The following WDR45B variants were observed in gnomAD, a reference collection of about 807,000 sequenced individuals.
The protein encoded by WDR45B is WD repeat domain 45B.
In WDR45B, 20 loss-of-function variants were observed where a neutral mutation model predicts 44.6. That is an observed-to-expected ratio of 0.45 (90% confidence interval 0.32 to 0.65). The LOEUF (loss-of-function observed/expected upper bound fraction) is 0.65, where lower values mean the gene tolerates loss of function less well. Ranked by LOEUF, WDR45B falls within the 30% of genes least tolerant of loss-of-function variation. WDR45B has a pLI of 0.05. For synonymous variants in WDR45B, 169 were observed against 164.9 expected (o/e 1.02, Z -0.19); for missense variants, 323 against 430.2 (o/e 0.75, Z 2.20).
chr17:82,641,384 G>A (rs566112250), intron 2 of WDR45B, among the ~76,000 whole-genome samples: 15 of 152,228 alleles, frequency 9.9e-5, no homozygotes, highest in Admixed American at 7.2e-4. Context: ...TTTCACCCAC[G>A]GTTCCTGGCT....
rs1298567566 is a variant in WDR45B, at chr17:82,621,756, G to A, written c.471C>T (p.Ala157=). 8 of 1,614,074 alleles carry A rather than the reference G, an allele frequency of 5.0e-6. No homozygotes were observed. The East Asian group carries it at 1.3e-4, about 27-fold the overall frequency. Residue 157 remains alanine, a synonymous_variant, in exon 6 of 10, where the codon GCC becomes GCT. Transcript: ENST00000392325. ...LCPNSNNSLL[A]FPGTHTGHVQ... is the part of the protein sequence containing the mutation. Reference sequence around the variant, plus strand: ...CATGGCCCGTGTGCGTGCCCGGAAAGGCCAGGAGGGAGTTGTTACTATTGG... The same window carrying A: ...CATGGCCCGTGTGCGTGCCCGGAAAAGCCAGGAGGGAGTTGTTACTATTGG...
intron 2 of WDR45B, among the ~76,000 whole-genome samples, chr17:82,639,170 C>G (rs1348815921): frequency 6.6e-6 from 1 of 152,012 alleles, no homozygotes. Flanking sequence ...ATAACACCAT[C>G]TATGCTATTC....
intron 4 of WDR45B, chr17:82,626,103 T>C (rs1220988978): frequency 2.6e-5 from 4 of 156,848 alleles, no homozygotes; most frequent in African/African-American, 9.7e-5. Flanking sequence ...GGCTGGTCTC[T>C]AACTCCTGAC....
At chr17:82,624,526 C>T (rs1260397819) in intron 5 of WDR45B, among the ~76,000 whole-genome samples, 1 of 152,146 alleles carries the variant, frequency 6.6e-6, no homozygotes, top group Non-Finnish European at 1.5e-5. Context: ...TCCTAAAGTG[C>T]TGGGATTACA....
chr17:82,631,277 ATTTTT>A (rs386386786), intron 2 of WDR45B, among the ~76,000 whole-genome samples: 1 of 86,822 alleles, frequency 1.2e-5, no homozygotes, highest in East Asian at 3.4e-4. Flanking sequence ...TACAGGACTC[ATTTTT>A]TTTTTTTTTT....
chr17:82,629,032 T>TA (rs986100992), intron 3 of WDR45B, among the ~76,000 whole-genome samples: 48 of 152,038 alleles, frequency 3.2e-4, no homozygotes, highest in African/African-American at 8.4e-4. Flanking sequence ...AGTTTACTAG[T>TA]AAAAAAAAGT....
At chr17:82,638,888 T>A (rs2045873277) in intron 2 of WDR45B, among the ~76,000 whole-genome samples, 1 of 152,014 alleles carries the variant, frequency 6.6e-6, no homozygotes, top group African/African-American at 2.4e-5. Flanking sequence ...AGTGGCACGA[T>A]CTCGGCTCAC....
At chr17:82,625,096 C>T (rs576550067) in intron 5 of WDR45B, among the ~76,000 whole-genome samples, 1 of 152,180 alleles carries the variant, frequency 6.6e-6, no homozygotes, top group African/African-American at 2.4e-5. Context: ...AACTCAGTGG[C>T]TCCCGAAGTG....
intron 1 of WDR45B, among the ~76,000 whole-genome samples, chr17:82,647,984 C>T (rs2046003019): frequency 1.4e-5 from 2 of 145,704 alleles, no homozygotes; most frequent in African/African-American, 2.5e-5. Flanking sequence ...TCCCACCGAC[C>T]TCGACCTCGG....
In WDR45B at chr17:82,648,420, C is replaced by G. The variant is rs1042170338; in HGVS notation, c.-80G>C. ...CGGCGGCCTGGTCCCTTCGGGCCGG[C>G]GCTGAGGCCGCCGCGGCCGGAAGTG... On this transcript the variant is annotated 5_prime_UTR_variant, in exon 1 of 10. Transcript: ENST00000392325. 2 of 1,527,700 alleles carry G rather than the reference C, an allele frequency of 1.3e-6. No homozygotes were observed. The highest frequency in any genetic ancestry group is 2.5e-5 in the East Asian group (1 of 39,940). The allele number at this position is 1,527,700 out of a possible 1,614,324, so 94.6% of individuals were successfully genotyped here. A position where few individuals can be genotyped will look rare whatever the true frequency, so the allele number is the denominator to read the frequency against.
intron 1 of WDR45B, among the ~76,000 whole-genome samples, chr17:82,646,947 TC>T (rs1373441150): frequency 6.6e-6 from 1 of 151,990 alleles, no homozygotes; most frequent in Non-Finnish European, 1.5e-5. Context: ...ATATGTGTAA[TC>T]CGGCCGGGCG....
intron 2 of WDR45B, among the ~76,000 whole-genome samples, chr17:82,643,370 T>C (rs1401176977): frequency 6.6e-6 from 1 of 150,880 alleles, no homozygotes; most frequent in African/African-American, 2.4e-5. Context: ...GAGGCGGAGG[T>C]TGCAATGAGC....
chr17:82,626,166 C>T (rs1231211732), intron 4 of WDR45B, among the ~76,000 whole-genome samples: 1 of 151,666 alleles, frequency 6.6e-6, no homozygotes, highest in African/African-American at 2.4e-5. Context: ...CAGGCATGAG[C>T]CACGGTGCCC....
intron 3 of WDR45B, among the ~76,000 whole-genome samples, chr17:82,627,966 C>G (rs1490313143): frequency 6.6e-6 from 1 of 152,250 alleles, no homozygotes; most frequent in East Asian, 1.9e-4. Context: ...CCTCACTCCA[C>G]TCAAGGTCCT....
intron 2 of WDR45B, among the ~76,000 whole-genome samples, chr17:82,632,320 C>T (rs1419613913): frequency 6.6e-6 from 1 of 151,888 alleles, no homozygotes; most frequent in East Asian, 1.9e-4. Context: ...CATCACCGCG[C>T]CTGGTTAATT....
At chr17:82,643,288 C>T (rs899417492) in intron 2 of WDR45B, among the ~76,000 whole-genome samples, 6 of 152,134 alleles carry the variant, frequency 3.9e-5, no homozygotes, top group Non-Finnish European at 7.4e-5. Flanking sequence ...CAAAAATTAG[C>T]CGGTTGTGGT....
intron 2 of WDR45B, among the ~76,000 whole-genome samples, chr17:82,642,377 AAC>A: frequency 6.6e-6 from 1 of 152,186 alleles, no homozygotes; most frequent in East Asian, 1.9e-4. Flanking sequence ...TCTGAGTGGG[AAC>A]AGTTTCATCC....
chr17:82,626,232 C>G (rs2045695345), intron 4 of WDR45B, among the ~76,000 whole-genome samples: 1 of 150,870 alleles, frequency 6.6e-6, no homozygotes, highest in Non-Finnish European at 1.5e-5. Flanking sequence ...AAATGACAAA[C>G]CCACACAAAA....
At chr17:82,640,454 A>C (rs1328540779) in intron 2 of WDR45B, among the ~76,000 whole-genome samples, 33 of 151,008 alleles carry the variant, frequency 2.2e-4, no homozygotes, top group Admixed American at 2.2e-3. Flanking sequence ...TGGTTCAAGC[A>C]ATTCTCCTGC....
Sources: gnomAD v4.1 joint callset for allele counts (sites outside exome capture counted in the v4.1 genomes callset) on GRCh38, gnomAD v4.1.1 for gene constraint, MANE v1.5 for transcripts, NCBI Gene and HGNC (gene_info 2026-07-23, HGNC 2026-07-21) for gene names.